The following SLC12A5 variants were observed in gnomAD, a reference collection of about 807,000 sequenced individuals.
SLC12A5 encodes K-Cl cotransporter 2.
SLC12A5 carries 18 observed loss-of-function variants against 124.0 expected under a neutral mutation model. The observed-to-expected ratio is 0.15, with a 90% CI of 0.10 to 0.22. The LOEUF (loss-of-function observed/expected upper bound fraction) is 0.22. SLC12A5 is among the 10% of genes least tolerant of loss of function. The pLI is 1.00. For missense variants in SLC12A5, 867 were observed against 1,478.7 expected (o/e 0.59, Z 6.78); for synonymous variants, 589 against 568.0 (o/e 1.04, Z -0.53).
In SLC12A5 at chr20:46,036,450, A is replaced by G. The variant is rs367792753; in HGVS notation, c.427-291A>G. ...TATAGATGGAGAAACTGAGGCTTGG[A>G]GAAGTGAAGTGAGTTGTCTCAGGTC... is the stretch of plus-strand genomic sequence containing the variant. On this transcript the variant is annotated intron_variant, in intron 4 of 25. Coordinates refer to ENST00000243964, the MANE Select transcript of SLC12A5 (RefSeq NM_020708.5). 8 of 347,272 alleles carry G rather than the reference A, an allele frequency of 2.3e-5. 1 individual carries two copies. In the South Asian group the frequency reaches 3.2e-4, roughly 14 times the overall value. 21.5% of individuals were successfully genotyped at this position (347,272 alleles called of 1,614,324 possible). A position where few individuals can be genotyped will look rare whatever the true frequency, so the allele number is the denominator to read the frequency against.
Position 46,034,933 on chromosome 20 carries a change from C to T in SLC12A5, c.53-15C>T. 1.2e-6 allele frequency: 2 copies of T among 1,613,084 alleles called. No homozygotes were observed. Among genetic ancestry groups the T allele is most frequent in the Non-Finnish European group, 1.7e-6 (2 of 1,179,122 alleles). ...ACTGATTGGTTCCAGATCCCTGACC[C>T]CTCTCCCTTCTCAGGTGATGGCAAC... On this transcript the variant is annotated splice_polypyrimidine_tract_variant and intron_variant, in intron 1 of 25. Coordinates refer to ENST00000243964, the MANE Select transcript of SLC12A5 (RefSeq NM_020708.5).
intron 3 of SLC12A5, 87 bp downstream of exon 3, chr20:46,035,622 G>A (rs769921868): frequency 6.6e-5 from 99 of 1,507,672 alleles, no homozygotes; most frequent in Non-Finnish European, 8.0e-5. Flanking sequence ...TTTGAATGGA[G>A]GGAGGGAAAG....
intron 18 of SLC12A5, among the ~76,000 whole-genome samples, chr20:46,052,570 G>A (rs1264329600): frequency 6.6e-6 from 1 of 152,252 alleles, no homozygotes; most frequent in African/African-American, 2.4e-5. Flanking sequence ...TGGGGAGCCA[G>A]GTTTTGAACC....
intron 6 of SLC12A5, among the ~76,000 whole-genome samples, chr20:46,038,540 C>T (rs148601503): frequency 3.3e-5 from 5 of 152,246 alleles, no homozygotes; most frequent in Non-Finnish European, 2.9e-5. Context: ...GTTTAAGGAA[C>T]GAATGGAAGG....
In SLC12A5 at chr20:46,059,538, G is replaced by A. The variant is rs2084732459; in HGVS notation, c.*1933G>A. 2.5e-6 allele frequency: 1 copy of A among 399,090 alleles called. No homozygotes were observed. The allele number at this position is 399,090 out of a possible 1,614,324, so 24.7% of individuals were successfully genotyped here. A position where few individuals can be genotyped will look rare whatever the true frequency, so the allele number is the denominator to read the frequency against. On this transcript the variant is annotated 3_prime_UTR_variant, in exon 26 of 26. Transcript: ENST00000243964. ...TATTCCAGAGCTGATGTGATGGGCT[G>A]TGCAGAAGGGGGCTGTATCAACATC... is the stretch of plus-strand genomic sequence containing the variant.
Position 46,057,678 on chromosome 20 carries a change from G to T in SLC12A5, c.*73G>T, listed in dbSNP as rs976600551. On this transcript the variant is annotated 3_prime_UTR_variant, in exon 26 of 26. Coordinates refer to ENST00000243964, the MANE Select transcript of SLC12A5 (RefSeq NM_020708.5). The surrounding 1 kb of genome is among the most constrained non-coding windows in gnomAD (Gnocchi z 7.1). The stretch of plus-strand genomic sequence containing the variant: ...CGGAGCCCTCGCCGCGCCCCCCGCC[G>T]CTGTCACCGTTTACATACAGACCCT... The T allele has an allele frequency of 8.5e-7, 1 of 1,181,980 alleles. No individual in the cohort carries two copies. The highest frequency in any genetic ancestry group is 1.2e-6 in the Non-Finnish European group (1 of 838,456). 73.2% of individuals were successfully genotyped at this position (1,181,980 alleles called of 1,614,324 possible). A position where few individuals can be genotyped will look rare whatever the true frequency, so the allele number is the denominator to read the frequency against.
chr20:46,047,662 G>A, intron 15 of SLC12A5, 89 bp downstream of exon 15: 1 of 1,508,856 alleles, frequency 6.6e-7, no homozygotes, highest in Admixed American at 1.8e-5. Flanking sequence ...GATTGGGGTG[G>A]TGGGGGTGAG....
chr20:46,024,363 G>C (rs575323855), upstream of SLC12A5, among the ~76,000 whole-genome samples: 227 of 152,246 alleles, frequency 1.5e-3, 1 homozygote, highest in African/African-American at 5.2e-3. Context: ...AATGATTTGG[G>C]TGACTTTTAA....
At chr20:46,054,816 C>A in intron 20 of SLC12A5, 100 bp from the exon 21 acceptor site, 1 of 686,416 alleles carries the variant, frequency 1.5e-6, no homozygotes, top group Non-Finnish European at 2.6e-6. Context: ...AGGACGGGGG[C>A]CTTCCTTCCT....
At chr20:46,029,845 G>C (rs2084430170) in intron 1 of SLC12A5, among the ~76,000 whole-genome samples, 3 of 151,530 alleles carry the variant, frequency 2.0e-5, no homozygotes, top group South Asian at 2.1e-4. Flanking sequence ...CTGGAAGATG[G>C]GGGAAGAGGT....
At position 46,045,249 on chromosome 20, in the gene SLC12A5, C is replaced by A; in HGVS notation, c.1569+109C>A. On this transcript the variant is annotated intron_variant, in intron 12 of 25. Coordinates refer to ENST00000243964, the MANE Select transcript of SLC12A5 (RefSeq NM_020708.5). This position sits in a 1 kb window ranked among gnomAD's most constrained non-coding sequence, Gnocchi z 4.9. ...AACCAGCCTTAGACTACCTCCTGGG[C>A]CACTTCTGCTCTGTACTGCACTGGC... is the stretch of plus-strand genomic sequence containing the variant. The A allele has an allele frequency of 7.8e-7, 1 of 1,287,670 alleles. No homozygotes were observed. Among genetic ancestry groups the A allele is most frequent in the Non-Finnish European group, 1.0e-6 (1 of 957,720 alleles). 79.8% of individuals were successfully genotyped at this position (1,287,670 alleles called of 1,614,324 possible).
At chr20:46,052,758 A>G (rs1679051426) in intron 18 of SLC12A5, among the ~76,000 whole-genome samples, 199 bp from the exon 19 acceptor site, 1 of 152,204 alleles carries the variant, frequency 6.6e-6, no homozygotes, top group African/African-American at 2.4e-5. Context: ...AGAGAGGTTG[A>G]TAGACGTTCC....
chr20:46,030,402 C>T (rs1288938620), intron 1 of SLC12A5, among the ~76,000 whole-genome samples: 1 of 152,220 alleles, frequency 6.6e-6, no homozygotes, highest in Non-Finnish European at 1.5e-5. Flanking sequence ...CGCTCTCCCC[C>T]GCCCTCCTCC....
chr20:46,046,455 CA>C lies in SLC12A5; in HGVS notation c.1787+20del. 1 of 1,608,808 alleles carries C rather than the reference CA, an allele frequency of 6.2e-7. No homozygotes were observed. The highest frequency in any genetic ancestry group is 8.5e-7 in the Non-Finnish European group (1 of 1,175,224). On this transcript the variant is annotated intron_variant, in intron 14 of 25. Transcript: ENST00000243964. ...ACCACTGGTGGGTGCTCTGTCCCCACACTTCCACTGAGCCACTTGCTCACCT... is the reference window on the plus strand; with the variant it reads ...ACCACTGGTGGGTGCTCTGTCCCCACCTTCCACTGAGCCACTTGCTCACCT...
At chr20:46,049,215 C>T (rs1039879283) in intron 16 of SLC12A5, among the ~76,000 whole-genome samples, 5 of 152,054 alleles carry the variant, frequency 3.3e-5, no homozygotes, top group African/African-American at 1.2e-4. Flanking sequence ...AGGACTAAGA[C>T]GGCTAAATGA....
chr20:46,054,848 C>G, intron 20 of SLC12A5, 68 bp from the exon 21 acceptor site: 1 of 1,181,594 alleles, frequency 8.5e-7, no homozygotes, highest in Non-Finnish European at 1.3e-6. Context: ...TTCACCTGGG[C>G]TCAGACCTCA....
chr20:46,049,411 G>A (rs1261632279), intron 16 of SLC12A5, among the ~76,000 whole-genome samples: 2 of 152,182 alleles, frequency 1.3e-5, no homozygotes, highest in African/African-American at 4.8e-5. Flanking sequence ...GGATAAAATA[G>A]GTGGGTGGGT....
At chr20:46,032,949 G>A (rs1398970492) in intron 1 of SLC12A5, among the ~76,000 whole-genome samples, 5 of 152,196 alleles carry the variant, frequency 3.3e-5, no homozygotes, top group African/African-American at 1.2e-4. Context: ...GTGCTGGGAG[G>A]TGGGTCTCTT....
intron 4 of SLC12A5, 57 bp from the exon 5 acceptor site, chr20:46,036,684 C>G: frequency 1.3e-6 from 2 of 1,597,412 alleles, no homozygotes; most frequent in Non-Finnish European, 1.7e-6. Context: ...TTGGCCCCCA[C>G]CCAGGCCACT....
Sources: allele counts gnomAD v4.1 joint callset (sites outside exome capture counted in the v4.1 genomes callset), GRCh38; gene constraint gnomAD v4.1.1; non-coding constraint Gnocchi (gnomAD v3.1); transcripts MANE v1.5; gene names NCBI Gene and HGNC (gene_info 2026-07-23, HGNC 2026-07-21).